Variants in ZNF317 observed in about 807,000 individuals in gnomAD.
ZNF317 encodes KRAB-containing zinc finger protein 317.
A neutral mutation model predicts 23.4 loss-of-function variants in ZNF317; 17 were observed. The ratio of observed to expected loss-of-function variants is 0.73; its 90% CI spans 0.50 to 1.09. ZNF317 has a LOEUF of 1.09. Ranked by LOEUF, ZNF317 falls within the 50% of genes least tolerant of loss-of-function variation. ZNF317 has a pLI of 0.00. For synonymous variants in ZNF317, 317 were observed against 314.9 expected (o/e 1.01, Z -0.07); for missense variants, 679 against 796.7 (o/e 0.85, Z 1.78).
chr19:9,160,632 C>G lies in ZNF317; in HGVS notation c.987C>G (p.Thr329=), dbSNP rs572987481. 9 of 1,614,042 alleles carry G rather than the reference C, an allele frequency of 5.6e-6. No homozygotes were observed. Among genetic ancestry groups the G allele is most frequent in the Non-Finnish European group, 5.9e-6 (7 of 1,180,016 alleles). Reference sequence around the variant, plus strand: ...TCATCGCACACAAGAGAACGCACACCGGAGAGAGGCCCTACGAGTGTCACG... The same window carrying G: ...TCATCGCACACAAGAGAACGCACACGGGAGAGAGGCCCTACGAGTGTCACG... ...CHLIAHKRTH[T]GERPYECHDC... is the part of the protein sequence containing the mutation. The change falls in exon 7 of 7, where the codon ACC becomes ACG. Residue 329 remains threonine, a synonymous_variant. Transcript: ENST00000247956. The surrounding 1 kb of genome is among the most constrained non-coding windows in gnomAD (Gnocchi z 6.8).
intron 1 of ZNF317, among the ~76,000 whole-genome samples, chr19:9,147,633 G>A (rs1183555297): frequency 6.6e-6 from 1 of 152,100 alleles, no homozygotes; most frequent in Non-Finnish European, 1.5e-5. Context: ...CACCACGCCC[G>A]GCTGATCCTG....
chr19:9,141,595 C>T (rs1023005245), intron 1 of ZNF317, among the ~76,000 whole-genome samples: 1 of 152,180 alleles, frequency 6.6e-6, no homozygotes, highest in Non-Finnish European at 1.5e-5. Context: ...AGTACTTACA[C>T]CTAGCCATTC....
chr19:9,147,495 C>T (rs1026926304), intron 1 of ZNF317, among the ~76,000 whole-genome samples: 5 of 152,028 alleles, frequency 3.3e-5, no homozygotes, highest in African/African-American at 9.7e-5. Context: ...CGCCCGCCAC[C>T]GCGCCCGGCT....
chr19:9,157,574 G>T, intron 4 of ZNF317, 180 bp downstream of exon 4: 1 of 781,720 alleles, frequency 1.3e-6, no homozygotes, highest in Non-Finnish European at 1.9e-6. Context: ...CAGGGACCAT[G>T]GTGGTTCTCC....
chr19:9,157,831 T>G lies in ZNF317; in HGVS notation c.290-149T>G, dbSNP rs16978584. ...AGTCAAAAACTTTTACTGTGTTCCT[T>G]AGAAATTTTGGCACCACCATTTTGC... On this transcript the variant is annotated intron_variant, in intron 4 of 6. Coordinates refer to ENST00000247956, the MANE Select transcript of ZNF317 (RefSeq NM_020933.5). The G allele has an allele frequency of 0.073, 101,407 of 1,395,148 alleles. 4,256 individuals carry two copies. The highest frequency in any genetic ancestry group is 0.17 in the African/African-American group (11,695 of 68,642). The allele number at this position is 1,395,148 out of a possible 1,614,324, so 86.4% of individuals were successfully genotyped here.
intron 1 of ZNF317, among the ~76,000 whole-genome samples, chr19:9,154,521 C>T (rs980548553): frequency 6.6e-5 from 10 of 152,104 alleles, no homozygotes; most frequent in East Asian, 3.9e-4. Flanking sequence ...TGGCCAGCAT[C>T]GTAGGGATTT....
intron 3 of ZNF317, 50 bp downstream of exon 3, chr19:9,156,798 G>T (rs373945229): frequency 7.5e-6 from 12 of 1,592,006 alleles, no homozygotes; most frequent in Non-Finnish European, 1.0e-5. Context: ...CTTCCTGGAA[G>T]ACCCCACCAG....
chr19:9,158,349 T>TAAATTTC (rs908274990), intron 5 of ZNF317, among the ~76,000 whole-genome samples: 1 of 148,706 alleles, frequency 6.7e-6, no homozygotes, highest in Non-Finnish European at 1.5e-5. Context: ...TGAATTGCCT[T>TAAATTTC]AAATTTCTTT....
Position 9,140,741 on chromosome 19 carries a change from G to C in ZNF317, c.-93+149G>C, listed in dbSNP as rs547124656. The C allele has an allele frequency of 6.8e-4, 245 of 358,388 alleles. 1 individual carries two copies. Among genetic ancestry groups the C allele is most frequent in the Admixed American group, 2.0e-3 (47 of 23,740 alleles). 22.2% of individuals were successfully genotyped at this position (358,388 alleles called of 1,614,324 possible). ...GGTGCGTTTAGATCTCGCGATCAGC[G>C]ATATGAAAAGCTGGGGACGCGAAGG... On this transcript the variant is annotated intron_variant, in intron 1 of 6. Transcript: ENST00000247956.
intron 1 of ZNF317, among the ~76,000 whole-genome samples, chr19:9,155,606 C>A (rs149138354): frequency 2.0e-5 from 3 of 152,150 alleles, no homozygotes; most frequent in African/African-American, 7.2e-5. Flanking sequence ...TAAATGATCG[C>A]AGGCCTCGAA....
chr19:9,158,363 C>CTTTTTTTTTTTTTTTTTGTTTTTTTTT (rs2050809278), intron 5 of ZNF317, among the ~76,000 whole-genome samples: 1 of 76,496 alleles, frequency 1.3e-5, no homozygotes, highest in African/African-American at 6.4e-5. Flanking sequence ...TTTCTTTTTT[C>CTTTTTTTTTTTTTTTTTGTTTTTTTTT]TTTTTTTTTT....
At chr19:9,149,688 C>A (rs540550876) in intron 1 of ZNF317, among the ~76,000 whole-genome samples, 11 of 152,116 alleles carry the variant, frequency 7.2e-5, no homozygotes, top group Non-Finnish European at 1.2e-4. Context: ...GGACCAGTGG[C>A]AGAGCGAGTT....
intron 1 of ZNF317, among the ~76,000 whole-genome samples, chr19:9,144,976 C>T (rs2050670363): frequency 6.6e-6 from 1 of 152,166 alleles, no homozygotes; most frequent in Non-Finnish European, 1.5e-5. Context: ...TATTTCAGAA[C>T]TATGAAGATG....
At position 9,156,866 on chromosome 19, in the gene ZNF317, C is replaced by T. The variant is rs1328945884; in HGVS notation, c.162+118C>T. ...AGCCAGTGGATGCCAGAACAGGGCC[C>T]AAGAGAGAGCCAAGGAATATTGGGG... On this transcript the variant is annotated intron_variant, in intron 3 of 6. Transcript: ENST00000247956. The T allele has an allele frequency of 2.1e-5, 26 of 1,253,928 alleles. No homozygotes were observed. In the East Asian group the frequency reaches 5.5e-4, roughly 27 times the overall value. The allele number at this position is 1,253,928 out of a possible 1,614,324, so 77.7% of individuals were successfully genotyped here. A position where few individuals can be genotyped will look rare whatever the true frequency, so the allele number is the denominator to read the frequency against.
At position 9,160,852 on chromosome 19, in the gene ZNF317, G is replaced by C; in HGVS notation, c.1207G>C (p.Val403Leu). Residue 403 changes from valine (V) to leucine (L), a missense_variant, in exon 7 of 7, where the codon GTG (valine) becomes CTG (leucine). Transcript: ENST00000247956. The surrounding 1 kb of genome is among the most constrained non-coding windows in gnomAD (Gnocchi z 6.8). The part of the protein sequence containing the change: ...KECGKSFGDL[V>L]SRRKHMRIHI... ...ATGCGGGAAATCCTTTGGCGATCTC[G>C]TGTCCCGGAGGAAACACATGAGGAT... 1.2e-6 allele frequency: 2 copies of C among 1,614,118 alleles called. No individual in the cohort carries two copies.
chr19:9,143,440 A>G (rs896685672), intron 1 of ZNF317, among the ~76,000 whole-genome samples: 2 of 152,154 alleles, frequency 1.3e-5, no homozygotes, highest in Non-Finnish European at 2.9e-5. Context: ...ATCCCAAAGA[A>G]TTGCAGTATC....
chr19:9,158,632 C>T (rs2050814470), intron 5 of ZNF317, among the ~76,000 whole-genome samples, 194 bp from the exon 6 acceptor site: 1 of 152,012 alleles, frequency 6.6e-6, no homozygotes, highest in Non-Finnish European at 1.5e-5. Flanking sequence ...AGCCACTGCA[C>T]CAGGCCTGAA....
chr19:9,151,282 T>C (rs1016642712), intron 1 of ZNF317, among the ~76,000 whole-genome samples: 1 of 152,162 alleles, frequency 6.6e-6, no homozygotes, highest in Admixed American at 6.5e-5. Context: ...TGGCCCAAGA[T>C]CAAATTTGGT....
In ZNF317 at chr19:9,160,491, G is replaced by T. The variant is rs202166254; in HGVS notation, c.846G>T (p.Gln282His). The change falls in exon 7 of 7, where the codon CAG becomes CAT. Residue 282 changes from glutamine (Q) to histidine (H), a missense_variant. Gln to His is a conservative substitution (Grantham distance 24). Transcript: ENST00000247956. The surrounding 1 kb of genome is among the most constrained non-coding windows in gnomAD (Gnocchi z 6.8). ...HLKEKPFDCS[Q>H]CGNAFRTLSA... ...AAGAGAAGCCCTTTGACTGCAGTCAGTGTGGAAATGCATTCCGGACCCTCT... is the reference window on the plus strand; with the variant it reads ...AAGAGAAGCCCTTTGACTGCAGTCATTGTGGAAATGCATTCCGGACCCTCT... 13 of 1,614,156 alleles carry T rather than the reference G, an allele frequency of 8.1e-6. No homozygotes were observed. The East Asian group carries it at 2.5e-4, about 30-fold the overall frequency.
Sources: gnomAD v4.1 joint callset for allele counts (sites outside exome capture counted in the v4.1 genomes callset) on GRCh38, gnomAD v4.1.1 for gene constraint, Gnocchi (gnomAD v3.1) non-coding constraint, MANE v1.5 for transcripts, NCBI Gene and HGNC (gene_info 2026-07-23, HGNC 2026-07-21) for gene names.